Variants in LRP1B observed in about 807,000 individuals in gnomAD.
LRP1B encodes the protein low-density lipoprotein receptor-related protein 1B.
A neutral mutation model predicts 556.6 loss-of-function variants in LRP1B; 217 were observed. The observed-to-expected ratio is 0.39, with a 90% confidence interval of 0.35 to 0.44. LRP1B has a LOEUF of 0.44. Ranked by LOEUF, LRP1B falls within the 20% of genes least tolerant of loss-of-function variation. The probability of loss-of-function intolerance (pLI) is 1.00; values close to 1 mark genes in which losing one functional copy is unlikely to be tolerated. For synonymous variants in LRP1B, 2,047 were observed against 1,865.8 expected (o/e 1.10, Z -2.50); for missense variants, 5,053 against 5,620.8 (o/e 0.90, Z 3.23).
At chr2:140,552,267 T>G (rs921091325) in intron 43 of LRP1B, among the ~76,000 whole-genome samples, 2 of 152,058 alleles carry the variant, frequency 1.3e-5, no homozygotes, top group African/African-American at 2.4e-5. Context: ...AGAATGAAAA[T>G]GTTGATACTT....
intron 2 of LRP1B, among the ~76,000 whole-genome samples, chr2:141,724,013 G>T (rs1692938519): frequency 6.6e-6 from 1 of 151,736 alleles, no homozygotes; most frequent in African/African-American, 2.4e-5. Context: ...AAACGATAAA[G>T]TTAAATGATT....
intron 55 of LRP1B, among the ~76,000 whole-genome samples, chr2:140,500,983 G>T (rs1689161646): frequency 6.6e-6 from 1 of 151,816 alleles, no homozygotes; most frequent in Non-Finnish European, 1.5e-5. Context: ...TCTTATTGAG[G>T]TTTTTCCACA....
At chr2:140,364,339 G>A (rs1682653375) in intron 72 of LRP1B, among the ~76,000 whole-genome samples, 1 of 151,398 alleles carries the variant, frequency 6.6e-6, no homozygotes, top group Non-Finnish European at 1.5e-5. Flanking sequence ...ACTCCAATTT[G>A]ATGTGAAGCC....
chr2:140,779,620 G>A (rs759168818), intron 32 of LRP1B, among the ~76,000 whole-genome samples: 6 of 151,576 alleles, frequency 4.0e-5, no homozygotes, highest in East Asian at 1.9e-4. Flanking sequence ...ACTTGAACCC[G>A]GGAGTCAGAG....
intron 1 of LRP1B, among the ~76,000 whole-genome samples, chr2:141,846,782 A>C (rs746535491): frequency 5.9e-5 from 9 of 151,426 alleles, no homozygotes; most frequent in Non-Finnish European, 8.9e-5. Context: ...ATCGTGAACG[A>C]TATCTTTTAA....
At chr2:140,588,692 G>A (rs192105429) in intron 43 of LRP1B, among the ~76,000 whole-genome samples, 43 of 152,188 alleles carry the variant, frequency 2.8e-4, no homozygotes, top group African/African-American at 1.0e-3. Context: ...CCAGCTGGGT[G>A]CATTGGCTCG....
chr2:142,003,749 C>T lies in LRP1B; in HGVS notation c.82+126899G>A, dbSNP rs148459217. On this transcript the variant is annotated intron_variant, in intron 1 of 90. Coordinates refer to ENST00000389484, the MANE Select transcript of LRP1B (RefSeq NM_018557.3). ...ATGGCTACCGTGTACTCCCACAATC[C>T]GGCACTTTGCTAGGCCCCTGACAGT... Among the ~76,000 whole-genome samples the T allele has an allele frequency of 5.3e-5, 8 of 152,272 alleles. No individual in the cohort carries two copies. In the East Asian group the frequency reaches 1.2e-3, roughly 22 times the overall value.
chr2:140,929,756 TCACACACACACA>T lies in LRP1B; in HGVS notation c.3137-6621_3137-6610del, dbSNP rs3063648. On this transcript the variant is annotated intron_variant, in intron 20 of 90. Coordinates refer to ENST00000389484, the MANE Select transcript of LRP1B (RefSeq NM_018557.3). ...AAGTTTATACCACAGTCATATAGAC[TCACACACACACA>T]CACACACACACACACACACACACAC... 5.7e-5 allele frequency among the ~76,000 whole-genome samples: 8 copies of T among 139,320 alleles called. No individual in the cohort carries two copies. In the East Asian group the frequency reaches 6.5e-4, roughly 11 times the overall value. 91.4% of individuals were successfully genotyped at this position (139,320 alleles called of 152,430 possible).
chr2:140,525,647 G>A (rs1690399386), intron 49 of LRP1B, among the ~76,000 whole-genome samples, 197 bp downstream of exon 49: 1 of 151,924 alleles, frequency 6.6e-6, no homozygotes, highest in Non-Finnish European at 1.5e-5. Flanking sequence ...ATGGTTTCTT[G>A]AATATCATTT....
At chr2:140,498,683 C>T (rs1489160488) in intron 55 of LRP1B, among the ~76,000 whole-genome samples, 1 of 151,770 alleles carries the variant, frequency 6.6e-6, no homozygotes, top group Non-Finnish European at 1.5e-5. Flanking sequence ...TATCAGCTCA[C>T]GTAATTTTGC....
At chr2:141,156,714 C>T (rs1191249647) in intron 7 of LRP1B, among the ~76,000 whole-genome samples, 1 of 151,838 alleles carries the variant, frequency 6.6e-6, no homozygotes, top group Non-Finnish European at 1.5e-5. Flanking sequence ...AGAGTTCTCT[C>T]ATAGATATAT....
At chr2:142,120,181 T>C (rs1166991969) in intron 1 of LRP1B, among the ~76,000 whole-genome samples, 1 of 152,186 alleles carries the variant, frequency 6.6e-6, no homozygotes, top group East Asian at 1.9e-4. Context: ...GCACAATCTC[T>C]GCTCACTGCA....
At chr2:140,977,967 T>C (rs532405580) in intron 18 of LRP1B, among the ~76,000 whole-genome samples, 1 of 152,208 alleles carries the variant, frequency 6.6e-6, no homozygotes, top group Non-Finnish European at 1.5e-5. Flanking sequence ...TGAAATTAAA[T>C]TGACCATCCA....
intron 66 of LRP1B, among the ~76,000 whole-genome samples, chr2:140,437,907 T>C (rs1288774159): frequency 2.0e-5 from 3 of 152,162 alleles, no homozygotes; most frequent in Non-Finnish European, 4.4e-5. Context: ...TAAAAACCAT[T>C]AAAAATAGAA....
At position 141,842,537 on chromosome 2, in the gene LRP1B, A is replaced by G. The variant is rs182528387; in HGVS notation, c.83-32136T>C. 7.2e-5 allele frequency among the ~76,000 whole-genome samples: 11 copies of G among 152,256 alleles called. No homozygotes were observed. In the East Asian group the frequency reaches 2.1e-3, roughly 29 times the overall value. ...ATGGTAATTTTGGATTTAATGTATT[A>G]TACAAAAAATGATTTTAAAAGTTCC... On this transcript the variant is annotated intron_variant, in intron 1 of 90. Coordinates refer to ENST00000389484, the MANE Select transcript of LRP1B (RefSeq NM_018557.3).
chr2:141,349,724 A>T (rs1358670870), intron 3 of LRP1B, among the ~76,000 whole-genome samples: 1 of 152,108 alleles, frequency 6.6e-6, no homozygotes. Context: ...TGCATACTCT[A>T]TTCAAAATAT....
At chr2:142,008,922 T>G (rs1261706719) in intron 1 of LRP1B, among the ~76,000 whole-genome samples, 2 of 152,196 alleles carry the variant, frequency 1.3e-5, no homozygotes, top group Admixed American at 6.5e-5. Flanking sequence ...AGCTTTAGTC[T>G]TGCTCTTCAT....
intron 3 of LRP1B, among the ~76,000 whole-genome samples, chr2:141,463,172 A>T (rs2105046946): frequency 6.6e-6 from 1 of 152,282 alleles, no homozygotes; most frequent in African/African-American, 2.4e-5. Context: ...CTTTGGTTGA[A>T]TGCAGTAAGA....
intron 11 of LRP1B, among the ~76,000 whole-genome samples, chr2:141,045,405 A>C (rs2105439471): frequency 6.6e-6 from 1 of 150,838 alleles, no homozygotes; most frequent in East Asian, 2.0e-4. Context: ...ATGTACCCTA[A>C]AACTTAAAGT....
Sources: allele counts gnomAD v4.1 joint callset (sites outside exome capture counted in the v4.1 genomes callset), GRCh38; gene constraint gnomAD v4.1.1; transcripts MANE v1.5; gene names NCBI Gene and HGNC (gene_info 2026-07-23, HGNC 2026-07-21).